Variants in THRB observed in about 807,000 individuals in gnomAD.
THRB encodes nuclear receptor subfamily 1 group A member 2.
In THRB, 12 loss-of-function variants were observed where a neutral mutation model predicts 47.8. The observed-to-expected ratio is 0.25, with a 90% CI of 0.16 to 0.41. The LOEUF is 0.41. Ranked by LOEUF, THRB falls within the 10% of genes least tolerant of loss-of-function variation. The pLI is 1.00. For synonymous variants in THRB, 218 were observed against 212.2 expected, an observed-to-expected ratio of 1.03 and a Z score of -0.24; for missense variants, 348 against 589.2, an observed-to-expected ratio of 0.59 and a Z score of 4.24.
intron 1 of THRB, among the ~76,000 whole-genome samples, chr3:24,478,954 G>C (rs1356060402): frequency 6.6e-6 from 1 of 152,140 alleles, no homozygotes; most frequent in Non-Finnish European, 1.5e-5. Flanking sequence ...GGGGATAGGG[G>C]GAGCAGTGCT....
intron 3 of THRB, among the ~76,000 whole-genome samples, chr3:24,289,440 T>G (rs62253752): frequency 0.19 from 29,644 of 152,176 alleles, 3,140 homozygotes; most frequent in Non-Finnish European, 0.24. Context: ...TTCAAAGAGA[T>G]TGCATTCCAT....
At chr3:24,460,536 C>T (rs935446442) in intron 1 of THRB, among the ~76,000 whole-genome samples, 6 of 152,118 alleles carry the variant, frequency 3.9e-5, no homozygotes, top group African/African-American at 1.4e-4. Context: ...TCTTTCATTC[C>T]TTTAATCTAC....
intron 4 of THRB, among the ~76,000 whole-genome samples, chr3:24,206,355 A>C (rs984608294): frequency 6.6e-6 from 1 of 152,200 alleles, no homozygotes; most frequent in African/African-American, 2.4e-5. Context: ...ACTCACTCAA[A>C]ACCGCTCAAC....
chr3:24,254,803 ATTTTTATTTT>A, intron 3 of THRB, among the ~76,000 whole-genome samples: 1 of 152,294 alleles, frequency 6.6e-6, no homozygotes, highest in African/African-American at 2.4e-5. Flanking sequence ...CACGTACACC[ATTTTTATTTT>A]CCTATGACCA....
chr3:24,131,955 G>A lies in THRB; in HGVS notation c.885+1361C>T, dbSNP rs531545039. Among the ~76,000 whole-genome samples, 7 of 152,288 alleles carry A rather than the reference G, an allele frequency of 4.6e-5. No individual in the cohort carries two copies. The East Asian group carries it at 9.6e-4, about 21-fold the overall frequency. On this transcript the variant is annotated intron_variant, in intron 9 of 10. Transcript: ENST00000646209. Reference sequence around the variant, plus strand: ...ACGTGCTCTCTCAGGTAGGTCTAGGGGCAAGATATCTGTTTCCCGAAGCCC... The same window carrying A: ...ACGTGCTCTCTCAGGTAGGTCTAGGAGCAAGATATCTGTTTCCCGAAGCCC...
In THRB at chr3:24,233,560, G is replaced by GAAGGAAGGAAGAAAGAAAGA. The variant is rs1553658178; in HGVS notation, c.-42-4560_-42-4559insTCTTTCTTTCTTCCTTCCTT. ...GAAAGAAAGAGAAAGAAAGAAAAAG[G>GAAGGAAGGAAGAAAGAAAGA]AAGAAAGAAAGAAAGAAAGAAAGAA... On this transcript the variant is annotated intron_variant, in intron 3 of 10. Coordinates refer to ENST00000646209, the MANE Select transcript of THRB (RefSeq NM_001354712.2). Among the ~76,000 whole-genome samples the GAAGGAAGGAAGAAAGAAAGA allele has an allele frequency of 3.2e-4, 25 of 77,348 alleles. No homozygotes were observed. In the South Asian group the frequency reaches 4.4e-3, roughly 14 times the overall value. 50.7% of individuals were successfully genotyped at this position (77,348 alleles called of 152,430 possible).
At chr3:24,387,750 C>G (rs1301997192) in intron 1 of THRB, among the ~76,000 whole-genome samples, 2 of 152,032 alleles carry the variant, frequency 1.3e-5, no homozygotes, top group African/African-American at 2.4e-5. Context: ...GGATTGTAGG[C>G]CACACCAATA....
intron 4 of THRB, among the ~76,000 whole-genome samples, chr3:24,190,560 G>C (rs917156874): frequency 6.6e-6 from 1 of 152,078 alleles, no homozygotes; most frequent in Non-Finnish European, 1.5e-5. Context: ...TATTTTAAAT[G>C]CCTAGAAAGA....
chr3:24,154,323 A>C (rs1461904185), intron 5 of THRB, among the ~76,000 whole-genome samples: 1 of 152,218 alleles, frequency 6.6e-6, no homozygotes, highest in African/African-American at 2.4e-5. Flanking sequence ...TCAGTCATTT[A>C]TCTATGAATT....
At chr3:24,217,889 AAG>A (rs1416020340) in intron 4 of THRB, among the ~76,000 whole-genome samples, 1 of 152,232 alleles carries the variant, frequency 6.6e-6, no homozygotes, top group Non-Finnish European at 1.5e-5. Context: ...TGCAGAAAGG[AAG>A]AGATTGTATG....
chr3:24,420,015 G>C (rs930114665), intron 1 of THRB, among the ~76,000 whole-genome samples: 1 of 151,842 alleles, frequency 6.6e-6, no homozygotes, highest in African/African-American at 2.4e-5. Flanking sequence ...TGGCCTCTCT[G>C]AGAACCTGTT....
chr3:24,418,761 C>A (rs1560141039), intron 1 of THRB, among the ~76,000 whole-genome samples: 1 of 151,904 alleles, frequency 6.6e-6, no homozygotes, highest in East Asian at 1.9e-4. Flanking sequence ...AAGAAATCAA[C>A]AGAAATATAA....
intron 2 of THRB, among the ~76,000 whole-genome samples, chr3:24,310,688 G>A (rs1195988040): frequency 6.6e-6 from 1 of 152,148 alleles, no homozygotes; most frequent in Non-Finnish European, 1.5e-5. Flanking sequence ...TCATCTCTCA[G>A]TAGACATTTG....
chr3:24,162,371 G>A (rs557830085), intron 5 of THRB, among the ~76,000 whole-genome samples: 6 of 152,178 alleles, frequency 3.9e-5, no homozygotes, highest in African/African-American at 1.4e-4. Context: ...TGAGGACTTA[G>A]CATAGCATTT....
chr3:24,127,819 T>C, intron 9 of THRB, 62 bp from the exon 10 acceptor site: 1 of 1,557,934 alleles, frequency 6.4e-7, no homozygotes. Context: ...AGGAACAACA[T>C]ACAGTATCTT....
intron 1 of THRB, among the ~76,000 whole-genome samples, chr3:24,490,439 C>A (rs897696382): frequency 6.6e-6 from 1 of 152,164 alleles, no homozygotes; most frequent in Admixed American, 6.5e-5. Flanking sequence ...GAAGCACTGC[C>A]TTTTCTACCC....
At chr3:24,177,550 A>G (rs2041326915) in intron 5 of THRB, among the ~76,000 whole-genome samples, 1 of 152,276 alleles carries the variant, frequency 6.6e-6, no homozygotes, top group Non-Finnish European at 1.5e-5. Flanking sequence ...TAAATAAGGC[A>G]GAACACAATG....
chr3:24,470,836 C>G (rs1033430256), intron 1 of THRB, among the ~76,000 whole-genome samples: 2 of 152,240 alleles, frequency 1.3e-5, no homozygotes, highest in South Asian at 4.1e-4. Flanking sequence ...AGGCTGGTCT[C>G]GAACTCCTGA....
chr3:24,449,960 A>G (rs2125514857), intron 1 of THRB, among the ~76,000 whole-genome samples: 2 of 152,118 alleles, frequency 1.3e-5, no homozygotes, highest in South Asian at 2.1e-4. Flanking sequence ...TCAAATGAAC[A>G]TTTTAAGAAT....
Sources: allele counts gnomAD v4.1 joint callset (sites outside exome capture counted in the v4.1 genomes callset), GRCh38; gene constraint gnomAD v4.1.1; transcripts MANE v1.5; gene names NCBI Gene and HGNC (gene_info 2026-07-23, HGNC 2026-07-21).